The following ZNF609 variants were observed in gnomAD, a reference collection of about 807,000 sequenced individuals.
ZNF609 encodes the protein zinc finger protein 609.
A neutral mutation model predicts 109.5 loss-of-function variants in ZNF609; 11 were observed. That is an observed-to-expected ratio of 0.10 (90% CI 0.06 to 0.17). The LOEUF is 0.17. Ranked by LOEUF, ZNF609 falls within the 10% of genes least tolerant of loss-of-function variation. The probability of loss-of-function intolerance (pLI) is 1.00; values close to 1 mark genes in which losing one functional copy is unlikely to be tolerated. For synonymous variants in ZNF609, 646 were observed against 662.0 expected, an observed-to-expected ratio of 0.98 and a Z score of 0.37; for missense variants, 1,559 against 1,772.4, an observed-to-expected ratio of 0.88 and a Z score of 2.16.
At chr15:64,631,201 G>C (rs1160571153) in intron 3 of ZNF609, 6 of 623,212 alleles carry the variant, frequency 9.6e-6, no homozygotes, top group African/African-American at 1.8e-5. Context: ...AGAGGCTGCT[G>C]CTTCAGGTGA....
intron 2 of ZNF609, among the ~76,000 whole-genome samples, chr15:64,541,254 C>T (rs1267824996): frequency 1.3e-5 from 2 of 149,354 alleles, no homozygotes; most frequent in African/African-American, 4.9e-5. Flanking sequence ...GGTGAAACCC[C>T]GTCTCTACTA....
rs900530046 is a variant in ZNF609, at chr15:64,599,293, G to GT, written c.748-23526dup. Among the ~76,000 whole-genome samples the GT allele has an allele frequency of 4.2e-5, 6 of 141,412 alleles. No individual in the cohort carries two copies. The East Asian group carries it at 8.4e-4, about 20-fold the overall frequency. The allele number at this position is 141,412 out of a possible 152,430, so 92.8% of individuals were successfully genotyped here. A position where few individuals can be genotyped will look rare whatever the true frequency, so the allele number is the denominator to read the frequency against. On this transcript the variant is annotated intron_variant, in intron 2 of 9. Transcript: ENST00000326648. ...CTCCCTCCAAACCAAAACCAAACCT[G>GT]TTTTTTTTCTTTTTCTTTCAGTGAT...
intron 2 of ZNF609, among the ~76,000 whole-genome samples, chr15:64,524,992 C>A (rs946781806): frequency 2.0e-5 from 3 of 152,112 alleles, no homozygotes; most frequent in East Asian, 3.9e-4. Flanking sequence ...TGTTATTGTT[C>A]ATTTGTTTAA....
At position 64,683,905 on chromosome 15, in the gene ZNF609, AAC is replaced by A. The variant is rs1477562094; in HGVS notation, c.*2223_*2224del. 1 of 152,256 alleles carries A rather than the reference AAC, an allele frequency of 6.6e-6. No individual in the cohort carries two copies. Among genetic ancestry groups the A allele is most frequent in the Non-Finnish European group, 1.5e-5 (1 of 68,040 alleles). The allele number at this position is 152,256 out of a possible 1,614,324, so 9.4% of individuals were successfully genotyped here. A position where few individuals can be genotyped will look rare whatever the true frequency, so the allele number is the denominator to read the frequency against. On this transcript the variant is annotated 3_prime_UTR_variant, in exon 10 of 10. Transcript: ENST00000326648. ...TTCCTGCCCTTTCCACTCATTCTGT[AAC>A]ACAGAGGACGAACTTCTGTATTAGC... is the stretch of plus-strand genomic sequence containing the variant.
chr15:64,539,834 G>A (rs1286115412), intron 2 of ZNF609, among the ~76,000 whole-genome samples: 4 of 150,988 alleles, frequency 2.6e-5, no homozygotes, highest in Admixed American at 6.6e-5. Context: ...ACAGGGTTTC[G>A]CCATGTTGGC....
chr15:64,557,740 A>G (rs1220697768), intron 2 of ZNF609, among the ~76,000 whole-genome samples: 1 of 152,166 alleles, frequency 6.6e-6, no homozygotes, highest in East Asian at 1.9e-4. Context: ...TCTGTCGCCC[A>G]GGCTGGAGTG....
intron 2 of ZNF609, among the ~76,000 whole-genome samples, chr15:64,606,404 C>T (rs1895601027): frequency 6.6e-6 from 1 of 150,658 alleles, no homozygotes. Flanking sequence ...ACTAAAAATA[C>T]AAAAATTTAG....
At chr15:64,515,820 C>A (rs1294551028) in intron 2 of ZNF609, among the ~76,000 whole-genome samples, 1 of 152,012 alleles carries the variant, frequency 6.6e-6, no homozygotes, top group Non-Finnish European at 1.5e-5. Flanking sequence ...CGCCTGTAAT[C>A]CCAGCTACTC....
intron 2 of ZNF609, among the ~76,000 whole-genome samples, chr15:64,548,601 G>A (rs1003263913): frequency 2.0e-5 from 3 of 152,012 alleles, no homozygotes; most frequent in African/African-American, 7.2e-5. Flanking sequence ...CTCTACAAAA[G>A]ACAAACAAAA....
chr15:64,668,655 A>T (rs373772850), intron 3 of ZNF609, among the ~76,000 whole-genome samples: 1 of 152,056 alleles, frequency 6.6e-6, no homozygotes, highest in East Asian at 1.9e-4. Context: ...CATTGTCTCT[A>T]AAAGAATTAA....
At chr15:64,534,239 G>A (rs1009824454) in intron 2 of ZNF609, among the ~76,000 whole-genome samples, 4 of 151,828 alleles carry the variant, frequency 2.6e-5, no homozygotes, top group Non-Finnish European at 4.4e-5. Flanking sequence ...TTGAACTCCC[G>A]ACCTCAGGTG....
At chr15:64,519,547 G>C (rs567584222) in intron 2 of ZNF609, among the ~76,000 whole-genome samples, 1 of 152,144 alleles carries the variant, frequency 6.6e-6, no homozygotes, top group Non-Finnish European at 1.5e-5. Flanking sequence ...TATAGAACTT[G>C]CTTGGTTCTG....
At chr15:64,603,857 G>C (rs570213674) in intron 2 of ZNF609, among the ~76,000 whole-genome samples, 1 of 151,850 alleles carries the variant, frequency 6.6e-6, no homozygotes, top group Admixed American at 6.6e-5. Flanking sequence ...AAAATAGCCA[G>C]GCATGCTGGC....
chr15:64,499,213 G>C (rs1484021822), intron 1 of ZNF609, 80 bp from the exon 2 acceptor site: 14 of 591,394 alleles, frequency 2.4e-5, no homozygotes, highest in Non-Finnish European at 3.7e-5. Flanking sequence ...GGAAGGGTCT[G>C]TTTTTGTGTG....
chr15:64,527,308 C>CT lies in ZNF609; in HGVS notation c.747+27156dup, dbSNP rs560955873. On this transcript the variant is annotated intron_variant, in intron 2 of 9. Transcript: ENST00000326648. Reference sequence around the variant, plus strand: ...ATCAGCTACACTCCATTTCCAACGTCTTTTTTTTTTTTTTCTTCTGTAAAG... The same window carrying CT: ...ATCAGCTACACTCCATTTCCAACGTCTTTTTTTTTTTTTTTCTTCTGTAAAG... Among the ~76,000 whole-genome samples the CT allele has an allele frequency of 1.6e-3, 217 of 136,524 alleles. 1 individual carries two copies. Among genetic ancestry groups the CT allele is most frequent in the Non-Finnish European group, 1.9e-3 (122 of 63,252 alleles). 89.6% of individuals were successfully genotyped at this position (136,524 alleles called of 152,430 possible).
rs979723543 is a variant in ZNF609, at chr15:64,685,287, A to G, written c.*3601A>G. The G allele has an allele frequency of 2.6e-5, 4 of 152,364 alleles. No homozygotes were observed. The highest frequency in any genetic ancestry group is 9.7e-5 in the African/African-American group (4 of 41,330). 9.4% of individuals were successfully genotyped at this position (152,364 alleles called of 1,614,324 possible). A position where few individuals can be genotyped will look rare whatever the true frequency, so the allele number is the denominator to read the frequency against. On this transcript the variant is annotated 3_prime_UTR_variant, in exon 10 of 10. Transcript: ENST00000326648. ...CACAAATCTGTGAGGGCTGCTGGTT[A>G]TTTCTCCTGGAGTTTGCTGCTGAGC...
chr15:64,563,068 TG>T (rs1048311766), intron 2 of ZNF609, among the ~76,000 whole-genome samples: 8 of 152,100 alleles, frequency 5.3e-5, no homozygotes, highest in African/African-American at 1.9e-4. Context: ...CACTTGAGCC[TG>T]GGGGTCAAGG....
At chr15:64,515,967 G>A (rs1189574014) in intron 2 of ZNF609, among the ~76,000 whole-genome samples, 1 of 151,628 alleles carries the variant, frequency 6.6e-6, no homozygotes, top group Non-Finnish European at 1.5e-5. Flanking sequence ...AACTAAGCAG[G>A]TAAATGTCCT....
At chr15:64,592,959 C>T (rs1895326516) in intron 2 of ZNF609, 1 of 983,332 alleles carries the variant, frequency 1.0e-6, no homozygotes, top group Admixed American at 1.7e-5. Flanking sequence ...TTTTTGCTCT[C>T]TCCGGTCCGT....
Sources: allele counts gnomAD v4.1 joint callset (sites outside exome capture counted in the v4.1 genomes callset), GRCh38; gene constraint gnomAD v4.1.1; transcripts MANE v1.5; gene names NCBI Gene and HGNC (gene_info 2026-07-23, HGNC 2026-07-21).